The following ERBB4 variants were observed in gnomAD, a reference collection of about 807,000 sequenced individuals.
ERBB4 encodes the protein receptor tyrosine-protein kinase erbB-4.
A neutral mutation model predicts 158.0 loss-of-function variants in ERBB4; 42 were observed. That is an observed-to-expected ratio of 0.27 (90% CI 0.21 to 0.34). The LOEUF is 0.34. ERBB4 is among the 10% of genes least tolerant of loss of function. The probability of loss-of-function intolerance (pLI) is 1.00; values close to 1 mark genes in which losing one functional copy is unlikely to be tolerated. For missense variants in ERBB4, 1,333 were observed against 1,624.1 expected (o/e 0.82, Z 3.08); for synonymous variants, 583 against 558.7 (o/e 1.04, Z -0.61).
At chr2:211,429,687 G>A (rs2063709003) in intron 21 of ERBB4, among the ~76,000 whole-genome samples, 1 of 152,140 alleles carries the variant, frequency 6.6e-6, no homozygotes. Context: ...GTGACACCAA[G>A]GTAACTCTAT....
intron 1 of ERBB4, among the ~76,000 whole-genome samples, chr2:212,333,658 C>T (rs2088290382): frequency 6.6e-6 from 1 of 150,432 alleles, no homozygotes; most frequent in Non-Finnish European, 1.5e-5. Flanking sequence ...CTTGTCATTG[C>T]ACTCCAGCCT....
intron 25 of ERBB4, among the ~76,000 whole-genome samples, chr2:211,389,717 G>C (rs1390620408): frequency 6.6e-6 from 1 of 152,144 alleles, no homozygotes; most frequent in East Asian, 1.9e-4. Context: ...CCAATGATAA[G>C]TGGTGTGAAT....
intron 1 of ERBB4, among the ~76,000 whole-genome samples, chr2:212,317,561 A>G (rs2087347583): frequency 6.6e-6 from 1 of 151,574 alleles, no homozygotes; most frequent in Non-Finnish European, 1.5e-5. Flanking sequence ...GAAATTAATC[A>G]TTTTTGTATT....
At chr2:211,875,025 CAAAAAAAAAAAA>C (rs746636278) in intron 3 of ERBB4, among the ~76,000 whole-genome samples, 4 of 27,032 alleles carry the variant, frequency 1.5e-4, no homozygotes, top group African/African-American at 1.5e-4. Flanking sequence ...AATAGAAATG[CAAAAAAAAAAAA>C]AAAAAAAAAA....
chr2:212,121,577 A>T (rs1288285087), intron 2 of ERBB4, among the ~76,000 whole-genome samples: 2 of 152,114 alleles, frequency 1.3e-5, no homozygotes, highest in East Asian at 3.9e-4. Context: ...ACCTTATCCA[A>T]TTACAAAATG....
chr2:212,290,639 C>G (rs896766401), intron 1 of ERBB4, among the ~76,000 whole-genome samples: 3 of 151,944 alleles, frequency 2.0e-5, no homozygotes, highest in African/African-American at 4.8e-5. Context: ...AGTCACGTAT[C>G]ACATACTATA....
chr2:212,259,435 C>T (rs17418250), intron 1 of ERBB4, among the ~76,000 whole-genome samples: 5,856 of 152,256 alleles, frequency 0.038, 127 homozygotes, highest in Non-Finnish European at 0.049. Flanking sequence ...AATGACTTCT[C>T]TTCCTATCCC....
At chr2:212,012,530 T>A (rs2076413350) in intron 2 of ERBB4, among the ~76,000 whole-genome samples, 1 of 149,180 alleles carries the variant, frequency 6.7e-6, no homozygotes, top group African/African-American at 2.5e-5. Flanking sequence ...ATTCTCCGCC[T>A]CAGCCACCTG....
chr2:211,427,795 CATGAAATTCT>C (rs2063661843), intron 22 of ERBB4, among the ~76,000 whole-genome samples: 1 of 149,420 alleles, frequency 6.7e-6, no homozygotes, highest in Non-Finnish European at 1.5e-5. Flanking sequence ...AAATTAACAC[CATGAAATTCT>C]ATGAAATTGT....
chr2:212,036,311 T>C (rs1019065592), intron 2 of ERBB4, among the ~76,000 whole-genome samples: 1 of 152,168 alleles, frequency 6.6e-6, no homozygotes, highest in Non-Finnish European at 1.5e-5. Context: ...TGACTTGTTA[T>C]GGGCAACATG....
chr2:212,371,543 C>G (rs1347469568), intron 1 of ERBB4, among the ~76,000 whole-genome samples: 1 of 152,144 alleles, frequency 6.6e-6, no homozygotes, highest in Non-Finnish European at 1.5e-5. Context: ...AATGCAAGTT[C>G]TATTGTATTT....
chr2:211,759,738 T>TA (rs973674358), intron 4 of ERBB4, among the ~76,000 whole-genome samples: 40 of 152,270 alleles, frequency 2.6e-4, no homozygotes, highest in African/African-American at 9.1e-4. Context: ...AAATGCTGTA[T>TA]AATGCATAAA....
rs987741299 is a variant in ERBB4 at position 211,380,141 on chromosome 2, G to A, written c.*3474C>T. ...GTGTTTTAATAGAAATTTGAGTTTT[G>A]CGTTGTTTTTCATGCTATTTTAAGA... is the stretch of plus-strand genomic sequence containing the variant. On this transcript the variant is annotated 3_prime_UTR_variant, in exon 28 of 28. Coordinates refer to ENST00000342788, the MANE Select transcript of ERBB4 (RefSeq NM_005235.3). 1 of 231,864 alleles carries A rather than the reference G, an allele frequency of 4.3e-6. No individual in the cohort carries two copies. The highest frequency in any genetic ancestry group is 2.2e-5 in the African/African-American group (1 of 45,234). The allele number at this position is 231,864 out of a possible 1,614,324, so 14.4% of individuals were successfully genotyped here. A position where few individuals can be genotyped will look rare whatever the true frequency, so the allele number is the denominator to read the frequency against.
At chr2:211,812,484 C>T (rs1575182646) in intron 3 of ERBB4, among the ~76,000 whole-genome samples, 1 of 152,310 alleles carries the variant, frequency 6.6e-6, no homozygotes, top group East Asian at 1.9e-4. Context: ...CCCAGTTAGG[C>T]TACACAGGGG....
intron 1 of ERBB4, among the ~76,000 whole-genome samples, chr2:212,149,176 A>AT (rs1435275605): frequency 1.3e-5 from 2 of 151,626 alleles, no homozygotes; most frequent in Non-Finnish European, 2.9e-5. Context: ...AATTAAAAAA[A>AT]AATTTTAAAA....
intron 1 of ERBB4, among the ~76,000 whole-genome samples, chr2:212,489,277 CT>C (rs1291219859): frequency 6.6e-6 from 1 of 151,842 alleles, no homozygotes; most frequent in Non-Finnish European, 1.5e-5. Context: ...ACATGACTTG[CT>C]TTTCCCTGTC....
At chr2:211,822,973 T>C (rs917283003) in intron 3 of ERBB4, among the ~76,000 whole-genome samples, 2 of 152,000 alleles carry the variant, frequency 1.3e-5, no homozygotes, top group Admixed American at 6.6e-5. Context: ...TTATGGACTG[T>C]ACCATCATCA....
rs559009713 is a variant in ERBB4 at position 211,392,444 on chromosome 2, T to C, written c.3136-4452A>G. On this transcript the variant is annotated intron_variant, in intron 25 of 27. Transcript: ENST00000342788. Reference sequence around the variant, plus strand: ...TCAGCTGCTGGCTGAATTTTATATATATGACACATAATGTCTTTTGTCTAT... The same window carrying C: ...TCAGCTGCTGGCTGAATTTTATATACATGACACATAATGTCTTTTGTCTAT... Among the ~76,000 whole-genome samples, 7 of 152,246 alleles carry C rather than the reference T, an allele frequency of 4.6e-5. No homozygotes were observed. In the South Asian group the frequency reaches 1.2e-3, roughly 27 times the overall value.
chr2:211,554,181 A>T (rs2067176733), intron 20 of ERBB4, among the ~76,000 whole-genome samples: 1 of 152,194 alleles, frequency 6.6e-6, no homozygotes, highest in African/African-American at 2.4e-5. Context: ...GAAAGAATGC[A>T]GAGTGGTTTG....
Sources: allele counts gnomAD v4.1 joint callset (sites outside exome capture counted in the v4.1 genomes callset), GRCh38; gene constraint gnomAD v4.1.1; transcripts MANE v1.5; gene names NCBI Gene and HGNC (gene_info 2026-07-23, HGNC 2026-07-21).